Variants in COX18 observed in about 807,000 individuals in gnomAD.
COX18 encodes cytochrome c oxidase assembly protein COX18, mitochondrial.
Under a neutral mutation model 38.0 loss-of-function variants are expected in COX18, and 45 were observed. The ratio of observed to expected loss-of-function variants is 1.18; its 90% CI spans 0.93 to 1.52. The LOEUF is 1.52. COX18 is among the 40% of genes most tolerant of loss of function. The probability of loss-of-function intolerance (pLI) is 0.00; values close to 1 mark genes in which losing one functional copy is unlikely to be tolerated. For synonymous variants in COX18, 177 were observed against 169.8 expected, an observed-to-expected ratio of 1.04 and a Z score of -0.33; for missense variants, 462 against 423.8, an observed-to-expected ratio of 1.09 and a Z score of -0.79.
At chr4:73,065,185 T>G (rs1393283516) in intron 3 of COX18, 65 bp downstream of exon 3, 5 of 1,200,618 alleles carry the variant, frequency 4.2e-6, no homozygotes, top group Admixed American at 5.7e-5. Flanking sequence ...TTTTTTTTTT[T>G]TTTTTTTTTT....
intron 5 of COX18, 82 bp downstream of exon 5, chr4:73,061,725 AAAAAAG>A: frequency 1.4e-6 from 1 of 726,340 alleles, no homozygotes. Context: ...AAAAAAAAAA[AAAAAAG>A]AAGAGGCAGG....
intron 3 of COX18, 78 bp from the exon 4 acceptor site, chr4:73,064,980 C>T: frequency 1.4e-6 from 2 of 1,389,240 alleles, no homozygotes; most frequent in Non-Finnish European, 1.0e-6. Flanking sequence ...AATAAGTAGT[C>T]TGACAATTCC....
chr4:73,058,119 T>A lies in COX18; in HGVS notation c.1000A>T (p.Lys334Ter). The A allele has an allele frequency of 6.3e-7, 1 of 1,575,838 alleles. No individual in the cohort carries two copies. The highest frequency in any genetic ancestry group is 8.6e-7 in the Non-Finnish European group (1 of 1,156,828). The change falls in exon 6 of 6, where the codon AAA becomes TAA. Residue 334 changes from lysine to a stop codon, truncating the protein, a stop_gained. Transcript: ENST00000507544. LOFTEE classifies it high-confidence loss of function. ...AAFNTKFISR[K>*] ...CAAAATTATTGGAAAATATGTCATT[T>A]TCTTGAAATGAACTTGGTATTAAAG... is the stretch of plus-strand genomic sequence containing the variant.
At position 73,069,654 on chromosome 4, in the gene COX18, G is replaced by C; in HGVS notation, c.-5C>G. The C allele has an allele frequency of 6.5e-7, 1 of 1,545,540 alleles. No homozygotes were observed. Among genetic ancestry groups the C allele is most frequent in the Non-Finnish European group, 8.7e-7 (1 of 1,150,960 alleles). ...ACCGCCGAGCCGGCACAGCATTTCT[G>C]CACCACGGCGGAGCCCAGATCCCGG... On this transcript the variant is annotated 5_prime_UTR_variant, in exon 1 of 6. Transcript: ENST00000507544.
chr4:73,056,815 C>T lies in COX18; in HGVS notation c.*1299G>A, dbSNP rs1487537280. On this transcript the variant is annotated 3_prime_UTR_variant, in exon 6 of 6. Coordinates refer to ENST00000507544, the MANE Select transcript of COX18 (RefSeq NM_001297732.2). ...CAAAGAGGTCTAAAATCCTCTCCAC[C>T]TCCAAAATAATAAGAAACATCTCAG... The T allele has an allele frequency of 6.6e-6, 1 of 152,178 alleles. No individual in the cohort carries two copies. Among genetic ancestry groups the T allele is most frequent in the East Asian group, 1.9e-4 (1 of 5,188 alleles). The allele number at this position is 152,178 out of a possible 1,614,324, so 9.4% of individuals were successfully genotyped here.
chr4:73,067,602 G>C (rs989880760), intron 2 of COX18, among the ~76,000 whole-genome samples: 1 of 151,674 alleles, frequency 6.6e-6, no homozygotes, highest in African/African-American at 2.4e-5. Context: ...AGCACTTTGG[G>C]AGGCCGAGGA....
At chr4:73,068,776 A>T (rs1348415830) in intron 1 of COX18, 2 of 153,406 alleles carry the variant, frequency 1.3e-5, no homozygotes, top group Non-Finnish European at 2.9e-5. Flanking sequence ...AGGTACTGCT[A>T]GCCTGATTCC....
intron 5 of COX18, among the ~76,000 whole-genome samples, chr4:73,060,836 C>T (rs532363724): frequency 1.9e-4 from 28 of 148,216 alleles, no homozygotes; most frequent in Admixed American, 5.4e-4. Context: ...GCTGAGATTG[C>T]GCCACTGCAC....
rs1477398836 is a variant in COX18, at chr4:73,057,326, T to A, written c.*788A>T. 1 of 151,534 alleles carries A rather than the reference T, an allele frequency of 6.6e-6. No homozygotes were observed. The highest frequency in any genetic ancestry group is 2.0e-4 in the East Asian group (1 of 5,118). 9.4% of individuals were successfully genotyped at this position (151,534 alleles called of 1,614,324 possible). A position where few individuals can be genotyped will look rare whatever the true frequency, so the allele number is the denominator to read the frequency against. ...CCTGCAATCCCAGATACTTGGAGGC[T>A]GAGGCAGGAAAATCACTGGAATCCG... On this transcript the variant is annotated 3_prime_UTR_variant, in exon 6 of 6. Coordinates refer to ENST00000507544, the MANE Select transcript of COX18 (RefSeq NM_001297732.2).
intron 2 of COX18, among the ~76,000 whole-genome samples, chr4:73,066,724 T>C (rs994625928): frequency 2.0e-5 from 3 of 152,342 alleles, no homozygotes; most frequent in Non-Finnish European, 4.4e-5. Context: ...GGCCTATGGC[T>C]GAAGCTTTCG....
At chr4:73,059,980 A>T (rs1041174176) in intron 5 of COX18, among the ~76,000 whole-genome samples, 1 of 152,072 alleles carries the variant, frequency 6.6e-6, no homozygotes, top group Non-Finnish European at 1.5e-5. Flanking sequence ...ATGTTAACAC[A>T]ACTGTTTGGT....
At chr4:73,065,540 T>C (rs753040221) in intron 2 of COX18, 127 bp from the exon 3 acceptor site, 4 of 742,550 alleles carry the variant, frequency 5.4e-6, no homozygotes, top group Non-Finnish European at 8.3e-6. Context: ...GGGTTTCAGC[T>C]GTCACAGGCA....
chr4:73,064,658 G>A (rs1351540635), intron 4 of COX18, 120 bp downstream of exon 4: 1 of 1,150,198 alleles, frequency 8.7e-7, no homozygotes, highest in Non-Finnish European at 1.2e-6. Context: ...AGGAACCAAG[G>A]GATCTCACTT....
At position 73,061,854 on chromosome 4, in the gene COX18, T is replaced by C. The variant is rs115487882; in HGVS notation, c.790A>G (p.Met264Val). The change falls in exon 5 of 6, where the codon ATG becomes GTG. Residue 264 changes from methionine to valine, a missense_variant. Met to Val is a conservative substitution (Grantham distance 21). Coordinates refer to ENST00000507544, the MANE Select transcript of COX18 (RefSeq NM_001297732.2). ...GCAATTGGTATCATCAACACCGACA[T>C]TGCACGGACAAAGTACGTAATATAC... is the stretch of plus-strand genomic sequence containing the variant. The part of the protein sequence containing the change: ...QTYITYFVRA[M>V]SVLMIPIAAT... 1.9e-3 allele frequency: 3,121 copies of C among 1,613,790 alleles called. 26 individuals are homozygous for C. The African/African-American group carries it at 0.019, about 10-fold the overall frequency.
rs766057237 is a variant in COX18 at position 73,064,796 on chromosome 4, G to A, written c.705C>T (p.Ile235=). The change falls in exon 4 of 6, where the codon ATC becomes ATT. Residue 235 remains isoleucine (I), a synonymous_variant. Coordinates refer to ENST00000507544, the MANE Select transcript of COX18 (RefSeq NM_001297732.2). ...TACTGACCTCCACTATTAACAAATT[G>A]ATGACGCCAACAGAGATAGGCAGAA... ...TWILPISVGV[I]NLLIVEICAL... 6.2e-7 allele frequency: 1 copy of A among 1,613,676 alleles called. No homozygotes were observed. Among genetic ancestry groups the A allele is most frequent in the South Asian group, 1.1e-5 (1 of 91,046 alleles).
intron 5 of COX18, among the ~76,000 whole-genome samples, chr4:73,059,267 T>C (rs2110047147): frequency 6.6e-6 from 1 of 152,362 alleles, no homozygotes; most frequent in Non-Finnish European, 1.5e-5. Context: ...GTCTAGGTCC[T>C]GGAGGCAAAC....
At position 73,053,225 on chromosome 4, in the gene COX18, C is replaced by G. The variant is rs1719789209; in HGVS notation, c.*4889G>C. ...AAGGCATGATAAATCTAAGCACTGG[C>G]AGCCAGCCTTGGTATGTAACAAACC... is the stretch of plus-strand genomic sequence containing the variant. On this transcript the variant is annotated 3_prime_UTR_variant, in exon 6 of 6. Transcript: ENST00000507544. 1 of 152,140 alleles carries G rather than the reference C, an allele frequency of 6.6e-6. No homozygotes were observed. The highest frequency in any genetic ancestry group is 2.4e-5 in the African/African-American group (1 of 41,416). 9.4% of individuals were successfully genotyped at this position (152,140 alleles called of 1,614,324 possible).
In COX18 at chr4:73,060,584, A is replaced by G. The variant is rs540985484; in HGVS notation, c.831+1229T>C. On this transcript the variant is annotated intron_variant, in intron 5 of 5. Coordinates refer to ENST00000507544, the MANE Select transcript of COX18 (RefSeq NM_001297732.2). ...CAAAAACATACTGTTTTAGATTCCT[A>G]TAAAAAATATTGTGGGCCAGGCATG... Among the ~76,000 whole-genome samples the G allele has an allele frequency of 1.2e-4, 18 of 152,294 alleles. No individual in the cohort carries two copies. In the South Asian group the frequency reaches 3.7e-3, roughly 32 times the overall value.
intron 5 of COX18, 36 bp from the exon 6 acceptor site, chr4:73,058,323 T>TG: frequency 6.8e-7 from 1 of 1,477,472 alleles, no homozygotes; most frequent in Non-Finnish European, 9.3e-7. Context: ...GCATCTGTAA[T>TG]TCTACAAGGA....
Sources: allele counts gnomAD v4.1 joint callset (sites outside exome capture counted in the v4.1 genomes callset), GRCh38; gene constraint gnomAD v4.1.1; transcripts MANE v1.5; gene names NCBI Gene and HGNC (gene_info 2026-07-23, HGNC 2026-07-21).